The following SEMA3D variants were observed in gnomAD, a reference collection of about 807,000 sequenced individuals.
The protein encoded by SEMA3D is semaphorin-3D.
Under a neutral mutation model 100.1 loss-of-function variants are expected in SEMA3D, and 84 were observed. That is an observed-to-expected ratio of 0.84 (90% CI 0.70 to 1.01). The LOEUF is 1.01. Among genes scored for constraint, SEMA3D ranks in the 50% least tolerant of loss-of-function variants. SEMA3D has a pLI of 0.00. For synonymous variants in SEMA3D, 312 were observed against 320.7 expected, an observed-to-expected ratio of 0.97 and a Z score of 0.29; for missense variants, 875 against 934.1, an observed-to-expected ratio of 0.94 and a Z score of 0.82.
At chr7:85,139,428 A>T (rs1477432317) in intron 2 of SEMA3D, among the ~76,000 whole-genome samples, 1 of 152,148 alleles carries the variant, frequency 6.6e-6, no homozygotes, top group Non-Finnish European at 1.5e-5. Flanking sequence ...ATACTATTTT[A>T]TCTTCACAAT....
chr7:85,158,444 A>G (rs745836222), intron 1 of SEMA3D, among the ~76,000 whole-genome samples: 3 of 152,166 alleles, frequency 2.0e-5, no homozygotes, highest in Non-Finnish European at 4.4e-5. Context: ...TATTAGGACG[A>G]GGAAATTCCT....
intron 11 of SEMA3D, among the ~76,000 whole-genome samples, 176 bp downstream of exon 11, chr7:85,040,497 G>T (rs1414626738): frequency 6.6e-6 from 1 of 150,718 alleles, no homozygotes; most frequent in Non-Finnish European, 1.5e-5. Flanking sequence ...AGAAAAAAAA[G>T]AATTTTTTAC....
At chr7:85,010,900 G>T (rs1789933438) in intron 17 of SEMA3D, among the ~76,000 whole-genome samples, 1 of 151,684 alleles carries the variant, frequency 6.6e-6, no homozygotes, top group Non-Finnish European at 1.5e-5. Flanking sequence ...GAATGGAAAA[G>T]TGGCTGGGGA....
chr7:85,030,084 A>C (rs990598390), intron 12 of SEMA3D, among the ~76,000 whole-genome samples: 1 of 151,874 alleles, frequency 6.6e-6, no homozygotes, highest in Admixed American at 6.6e-5. Context: ...GTCTCTAGGT[A>C]CTCTACCCAG....
intron 2 of SEMA3D, among the ~76,000 whole-genome samples, chr7:85,150,346 A>AATATATATATATATAT (rs3078412): frequency 8.2e-6 from 1 of 121,238 alleles, no homozygotes; most frequent in African/African-American, 3.1e-5. Flanking sequence ...CTTTTCTAGA[A>AATATATATATATATAT]ATATATATAT....
chr7:85,210,045 A>C, the SEMA3D span, among the ~76,000 whole-genome samples: 1 of 152,100 alleles, frequency 6.6e-6, no homozygotes, highest in Non-Finnish European at 1.5e-5. Flanking sequence ...TCATTTACTG[A>C]TGAATAAACT....
the SEMA3D span, among the ~76,000 whole-genome samples, chr7:85,248,176 A>C: frequency 2.3e-4 from 35 of 152,260 alleles, no homozygotes; most frequent in African/African-American, 7.7e-4. Context: ...AACTGAACAG[A>C]CACCTCCCCA....
At chr7:85,202,862 C>A in the SEMA3D span, among the ~76,000 whole-genome samples, 3 of 151,802 alleles carry the variant, frequency 2.0e-5, no homozygotes, top group Non-Finnish European at 4.4e-5. Context: ...TTGTTTTTTA[C>A]TGATGAAAAC....
intron 4 of SEMA3D, among the ~76,000 whole-genome samples, chr7:85,087,914 T>C (rs1215071337): frequency 6.6e-6 from 1 of 152,142 alleles, no homozygotes; most frequent in Non-Finnish European, 1.5e-5. Context: ...AAATAAAAAT[T>C]GTCTTCAGTG....
chr7:85,165,674 T>A (rs1312178954), intron 1 of SEMA3D, among the ~76,000 whole-genome samples: 1 of 152,108 alleles, frequency 6.6e-6, no homozygotes, highest in Non-Finnish European at 1.5e-5. Flanking sequence ...GCATACCATC[T>A]TTTAAAAAGT....
At chr7:85,111,490 T>C (rs1178716326) in intron 3 of SEMA3D, among the ~76,000 whole-genome samples, 2 of 152,092 alleles carry the variant, frequency 1.3e-5, no homozygotes, top group Non-Finnish European at 2.9e-5. Context: ...CTCTCTCACT[T>C]TGTATTCAGC....
the SEMA3D span, among the ~76,000 whole-genome samples, chr7:85,247,042 G>C: frequency 1.3e-5 from 2 of 151,968 alleles, no homozygotes; most frequent in African/African-American, 4.8e-5. Flanking sequence ...TATCAATACA[G>C]TGGTGGCCTC....
At chr7:85,164,929 G>T (rs938512839) in intron 1 of SEMA3D, among the ~76,000 whole-genome samples, 1 of 152,050 alleles carries the variant, frequency 6.6e-6, no homozygotes, top group African/African-American at 2.4e-5. Flanking sequence ...GAATGAAAGT[G>T]CTATACAAGA....
intron 5 of SEMA3D, among the ~76,000 whole-genome samples, chr7:85,077,281 AAGAT>A (rs1265698708): frequency 5.3e-5 from 8 of 152,060 alleles, no homozygotes; most frequent in Admixed American, 3.9e-4. Flanking sequence ...TTTAAAGAAA[AAGAT>A]AGAAATGACT....
the SEMA3D span, among the ~76,000 whole-genome samples, chr7:85,239,525 G>A: frequency 1.3e-5 from 2 of 152,144 alleles, no homozygotes; most frequent in African/African-American, 4.8e-5. Flanking sequence ...TGTCATAGCA[G>A]CACAAATTAA....
the SEMA3D span, among the ~76,000 whole-genome samples, chr7:85,204,347 TA>T: frequency 0.07 from 10,066 of 144,088 alleles, 494 homozygotes; most frequent in Non-Finnish European, 0.11. Flanking sequence ...CTAATACAGT[TA>T]AAAAAAAAAA....
rs1289398822 is a variant in SEMA3D, at chr7:85,055,824, T to C, written c.754A>G (p.Thr252Ala). The C allele has an allele frequency of 1.4e-5, 22 of 1,576,716 alleles. No individual in the cohort carries two copies. Among genetic ancestry groups the C allele is most frequent in the Non-Finnish European group, 1.9e-5 (22 of 1,152,844 alleles). ...ATTTTATCATCATCTGGATTGTAGG[T>C]GTCTGGTATGAAGAAAGTTCCAATA... ...KFIGTFFIPD[T>A]YNPDDDKIYF... The change falls in exon 9 of 19, where the codon ACC becomes GCC. Residue 252 changes from threonine (T) to alanine (A), a missense_variant. Coordinates refer to ENST00000284136, the MANE Select transcript of SEMA3D (RefSeq NM_001384900.1).
At chr7:85,048,752 G>A (rs1222150825) in intron 9 of SEMA3D, among the ~76,000 whole-genome samples, 1 of 151,752 alleles carries the variant, frequency 6.6e-6, no homozygotes, top group Non-Finnish European at 1.5e-5. Context: ...ATAATAATAT[G>A]AATTTTAAAA....
chr7:85,096,298 GA>G (rs1248326061), intron 4 of SEMA3D, among the ~76,000 whole-genome samples: 1 of 151,826 alleles, frequency 6.6e-6, no homozygotes, highest in South Asian at 2.1e-4. Flanking sequence ...ACAGCCTTAA[GA>G]AAAAAATGGA....
Sources: gnomAD v4.1 joint callset for allele counts (sites outside exome capture counted in the v4.1 genomes callset) on GRCh38, gnomAD v4.1.1 for gene constraint, MANE v1.5 for transcripts, NCBI Gene and HGNC (gene_info 2026-07-23, HGNC 2026-07-21) for gene names.